Variants in POLR3C observed in about 807,000 individuals in gnomAD.
The protein encoded by POLR3C is DNA-directed RNA polymerase III subunit RPC3.
Under a neutral mutation model 65.9 loss-of-function variants are expected in POLR3C, and 44 were observed. The observed-to-expected ratio is 0.67, with a 90% confidence interval of 0.52 to 0.86. The LOEUF (loss-of-function observed/expected upper bound fraction) is 0.86. Among genes scored for constraint, POLR3C ranks in the 40% least tolerant of loss-of-function variants. POLR3C has a pLI of 0.00. For missense variants in POLR3C, 576 were observed against 653.2 expected (o/e 0.88, Z 1.29); for synonymous variants, 263 against 231.6 (o/e 1.14, Z -1.23).
rs1303296356 is a variant in POLR3C, at chr1:145,826,687, C to G, written c.381C>G (p.Asp127Glu). Residue 127 changes from aspartate to glutamate, a missense_variant, in exon 3 of 15, where the codon GAC becomes GAG. Transcript: ENST00000334163. ...TMSAVVKKVA[D>E]RLTETMEDGK... ...CAGCTGTTGTGAAGAAAGTGGCAGACCGGCTCACAGAGACCATGGAGGGTC... is the reference window on the plus strand; with the variant it reads ...CAGCTGTTGTGAAGAAAGTGGCAGAGCGGCTCACAGAGACCATGGAGGGTC... 1 of 1,614,014 alleles carries G rather than the reference C, an allele frequency of 6.2e-7. No homozygotes were observed. Among genetic ancestry groups the G allele is most frequent in the Admixed American group, 1.7e-5 (1 of 59,994 alleles).
Position 145,833,331 on chromosome 1 carries a change from C to G in POLR3C, c.750C>G (p.Ala250=). 6.2e-7 allele frequency: 1 copy of G among 1,613,450 alleles called. No homozygotes were observed. The highest frequency in any genetic ancestry group is 1.7e-5 in the Admixed American group (1 of 59,990). Residue 250 remains alanine, a synonymous_variant, in exon 6 of 15, where the codon GCC becomes GCG. Transcript: ENST00000334163. ...TCCACCAACACTTCCGTGACCAAGCCATTGTGAGCGCAGTTGCTAACAGGA... is the reference window on the plus strand; with the variant it reads ...TCCACCAACACTTCCGTGACCAAGCGATTGTGAGCGCAGTTGCTAACAGGA... ...DRFHQHFRDQ[A]IVSAVANRMD... is the part of the protein sequence containing the mutation.
chr1:145,841,591 T>C (rs1652298101), intron 14 of POLR3C, among the ~76,000 whole-genome samples: 2 of 152,248 alleles, frequency 1.3e-5, no homozygotes, highest in South Asian at 4.1e-4. Context: ...TAGTGGTCGC[T>C]TATTTCAGTT....
intron 13 of POLR3C, 94 bp downstream of exon 13, chr1:145,840,259 G>T: frequency 1.2e-6 from 1 of 813,676 alleles, no homozygotes; most frequent in Non-Finnish European, 2.1e-6. Flanking sequence ...TAGACGCTGG[G>T]CCTGGCAGGG....
intron 1 of POLR3C, among the ~76,000 whole-genome samples, chr1:145,825,339 C>A (rs1650637468): frequency 6.6e-6 from 1 of 152,114 alleles, no homozygotes; most frequent in South Asian, 2.1e-4. Flanking sequence ...TCTCAAACTC[C>A]TGACCTCATG....
chr1:145,835,577 G>A (rs1440699126), intron 7 of POLR3C, among the ~76,000 whole-genome samples: 1 of 151,566 alleles, frequency 6.6e-6, no homozygotes, highest in Non-Finnish European at 1.5e-5. Context: ...TTGTTTGTTT[G>A]TTTTTGTTTT....
intron 5 of POLR3C, among the ~76,000 whole-genome samples, chr1:145,832,928 A>T (rs1413161663): frequency 2.0e-5 from 3 of 152,294 alleles, no homozygotes; most frequent in African/African-American, 7.2e-5. Flanking sequence ...AGGCTGAGAC[A>T]GGAGAATCAC....
intron 5 of POLR3C, among the ~76,000 whole-genome samples, chr1:145,831,624 G>A (rs1050494094): frequency 2.0e-5 from 3 of 152,030 alleles, no homozygotes; most frequent in Admixed American, 2.0e-4. Flanking sequence ...AGCATGTAGA[G>A]TAAAAAGAAA....
chr1:145,842,485 G>T lies in POLR3C; in HGVS notation c.*65G>T. ...GAAAGCAAAATAAAGGAGGTGCCTG[G>T]ATGCATTATTTGCAGTGGGATAAGT... is the stretch of plus-strand genomic sequence containing the variant. On this transcript the variant is annotated 3_prime_UTR_variant, in exon 15 of 15. Transcript: ENST00000334163. 9.4e-7 allele frequency: 1 copy of T among 1,068,352 alleles called. No individual in the cohort carries two copies. The highest frequency in any genetic ancestry group is 1.5e-6 in the Non-Finnish European group (1 of 686,188). The allele number at this position is 1,068,352 out of a possible 1,614,324, so 66.2% of individuals were successfully genotyped here.
At chr1:145,829,172 C>G (rs782714609) in intron 5 of POLR3C, among the ~76,000 whole-genome samples, 10 of 152,284 alleles carry the variant, frequency 6.6e-5, no homozygotes, top group Non-Finnish European at 1.5e-4. Context: ...AACTCATATT[C>G]AAATGCCTTC....
intron 9 of POLR3C, 89 bp downstream of exon 9, chr1:145,836,955 A>G: frequency 1.5e-6 from 1 of 651,310 alleles, no homozygotes; most frequent in Non-Finnish European, 2.7e-6. Context: ...GGTAATGTTT[A>G]TTATACTAAA....
Position 145,842,817 on chromosome 1 carries a change from A to AGATAGATAGAT in POLR3C, c.*397_*398insGATAGATAGAT, listed in dbSNP as rs782192952. ...GTGATAGATAGATAGATAGATAGAT[A>AGATAGATAGAT]ATTTGTTGTTGTTGAGACAGGATCT... On this transcript the variant is annotated 3_prime_UTR_variant, in exon 15 of 15. Coordinates refer to ENST00000334163, the MANE Select transcript of POLR3C (RefSeq NM_006468.8). 6.6e-6 allele frequency among the ~76,000 whole-genome samples: 1 copy of AGATAGATAGAT among 151,822 alleles called. No homozygotes were observed.
chr1:145,840,907 G>C lies in POLR3C; in HGVS notation c.1374-15G>C, dbSNP rs201219126. On this transcript the variant is annotated splice_polypyrimidine_tract_variant and intron_variant, in intron 13 of 14. Transcript: ENST00000334163. ...AGGTTAGGGAAGATGTCTCAGAGTT[G>C]TGTTTGTTTGACAGGCGTCTACTAG... is the stretch of plus-strand genomic sequence containing the variant. 7 of 1,608,632 alleles carry C rather than the reference G, an allele frequency of 4.4e-6. No individual in the cohort carries two copies. The highest frequency in any genetic ancestry group is 1.3e-5 in the African/African-American group (1 of 74,996).
At position 145,840,933 on chromosome 1, in the gene POLR3C, A is replaced by G; in HGVS notation, c.1385A>G (p.Glu462Gly). The G allele has an allele frequency of 6.2e-7, 1 of 1,613,346 alleles. No individual in the cohort carries two copies. Among genetic ancestry groups the G allele is most frequent in the Non-Finnish European group, 8.5e-7 (1 of 1,179,322 alleles). The change falls in exon 14 of 15, where the codon GAA (glutamate) becomes GGA (glycine). Residue 462 changes from glutamate to glycine, a missense_variant. Physicochemically the swap from Glu to Gly is moderately conservative, Grantham distance 98. Transcript: ENST00000334163. ...TGTTTGTTTGACAGGCGTCTACTAG[A>G]AAAATCTCAGAGGGTAGAAGCCATC... ...FETKENKRLLEKSQRVEAIIA... is the reference protein window; with the variant it reads ...FETKENKRLLGKSQRVEAIIA...
chr1:145,828,702 G>T, intron 4 of POLR3C, 47 bp from the exon 5 acceptor site: 1 of 1,270,418 alleles, frequency 7.9e-7, no homozygotes, highest in Non-Finnish European at 1.2e-6. Flanking sequence ...GTCATTTCCT[G>T]TCATCATATG....
chr1:145,836,735 A>ATTT, intron 8 of POLR3C, 80 bp from the exon 9 acceptor site: 1 of 1,027,854 alleles, frequency 9.7e-7, no homozygotes. Flanking sequence ...CCTGCTGCAG[A>ATTT]CTTTTGGTCA....
chr1:145,838,178 T>C lies in POLR3C; in HGVS notation c.1193T>C (p.Met398Thr). 6.2e-7 allele frequency: 1 copy of C among 1,613,794 alleles called. No individual in the cohort carries two copies. Among genetic ancestry groups the C allele is most frequent in the Non-Finnish European group, 8.5e-7 (1 of 1,179,698 alleles). Reference sequence around the variant, plus strand: ...GAGGCAAAGGATATGCTATATAAGATGCTCTCAGAAAATTTCATGTCACTC... The same window carrying C: ...GAGGCAAAGGATATGCTATATAAGACGCTCTCAGAAAATTTCATGTCACTC... ...AKEAKDMLYK[M>T]LSENFMSLQE... The change falls in exon 11 of 15, where the codon ATG becomes ACG. Residue 398 changes from methionine (M) to threonine (T), a missense_variant. By Grantham distance (81) the Met-to-Thr change is moderately conservative (BLOSUM62 -1). Transcript: ENST00000334163.
chr1:145,840,988 G>A lies in POLR3C; in HGVS notation c.1440G>A (p.Glu480=). 2 of 1,612,918 alleles carry A rather than the reference G, an allele frequency of 1.2e-6. No individual in the cohort carries two copies. Among genetic ancestry groups the A allele is most frequent in the Non-Finnish European group, 1.7e-6 (2 of 1,178,876 alleles). Residue 480 remains glutamate, a synonymous_variant, in exon 14 of 15, where the codon GAG becomes GAA. Transcript: ENST00000334163. ...IIASMQATGA[E]EAQLQEIEEM... is the part of the protein sequence containing the mutation. The stretch of plus-strand genomic sequence containing the variant: ...CATCTATGCAGGCTACTGGTGCAGA[G>A]GAAGCACAGTTACAAGAAATAGAGG...
intron 13 of POLR3C, 125 bp from the exon 14 acceptor site, chr1:145,840,797 A>T: frequency 1.7e-6 from 1 of 583,942 alleles, no homozygotes; most frequent in Non-Finnish European, 3.0e-6. Flanking sequence ...AAATGTCCTT[A>T]GAAGGTGACA....
chr1:145,840,814 A>G (rs1298440076), intron 13 of POLR3C, 108 bp from the exon 14 acceptor site: 4 of 697,698 alleles, frequency 5.7e-6, no homozygotes, highest in African/African-American at 3.5e-5. Context: ...GACATTATCT[A>G]CTTTGATCAG....
Sources: allele counts gnomAD v4.1 joint callset (sites outside exome capture counted in the v4.1 genomes callset), GRCh38; gene constraint gnomAD v4.1.1; transcripts MANE v1.5; gene names NCBI Gene and HGNC (gene_info 2026-07-23, HGNC 2026-07-21).